The following PLCH1 variants were observed in gnomAD, a reference collection of about 807,000 sequenced individuals.
PLCH1 encodes the protein phospholipase C eta 1.
PLCH1 carries 60 observed loss-of-function variants against 126.7 expected under a neutral mutation model. That is an observed-to-expected ratio of 0.47 (90% CI 0.38 to 0.59). The LOEUF is 0.59. PLCH1 is among the 20% of genes least tolerant of loss of function. The pLI is 0.00. For missense variants in PLCH1, 1,723 were observed against 2,040.0 expected (o/e 0.84, Z 2.99); for synonymous variants, 719 against 734.9 (o/e 0.98, Z 0.35).
intron 2 of PLCH1, among the ~76,000 whole-genome samples, chr3:155,625,975 C>T (rs1737190151): frequency 6.6e-6 from 1 of 152,158 alleles, no homozygotes; most frequent in Non-Finnish European, 1.5e-5. Context: ...TTGGAACCAA[C>T]CCAAATGCCC....
chr3:155,479,370 C>A (rs955801204), downstream of PLCH1, among the ~76,000 whole-genome samples: 2 of 152,178 alleles, frequency 1.3e-5, no homozygotes, highest in African/African-American at 4.8e-5. Context: ...AGCCCCCAAC[C>A]AGACTCCCAG....
Position 155,482,158 on chromosome 3 carries a change from C to T in PLCH1, c.3868G>A (p.Ala1290Thr), listed in dbSNP as rs761926932. ...DDDLSSKAKT[A>T]ALESNLPGSP... ...CCAGGCAGGTTGCTTTCTAAGGCCG[C>T]TGTCTTGGCCTTACTAGAAAGGTCA... Residue 1290 changes from alanine to threonine, a missense_variant, in exon 23 of 23, where the codon GCG (alanine) becomes ACG (threonine). By Grantham distance (58) the Ala-to-Thr change is moderately conservative (BLOSUM62 0). Around this residue, in one of 2 missense-constraint regions of PLCH1, gnomAD observed 947 missense variants for 977.1 expected, o/e 0.97. Transcript: ENST00000460012. 6.2e-7 allele frequency: 1 copy of T among 1,614,178 alleles called. No homozygotes were observed. The highest frequency in any genetic ancestry group is 1.1e-5 in the South Asian group (1 of 91,078).
At chr3:155,603,552 T>C (rs954770020) in intron 2 of PLCH1, among the ~76,000 whole-genome samples, 1 of 152,210 alleles carries the variant, frequency 6.6e-6, no homozygotes, top group Non-Finnish European at 1.5e-5. Context: ...GTCTGGGCTC[T>C]GTCACTGGCT....
intron 2 of PLCH1, among the ~76,000 whole-genome samples, chr3:155,691,488 G>T (rs1333221152): frequency 1.3e-5 from 2 of 152,158 alleles, no homozygotes; most frequent in Admixed American, 6.5e-5. Context: ...AGAAGGCAAG[G>T]TTTCTTCTTC....
intron 11 of PLCH1, among the ~76,000 whole-genome samples, chr3:155,522,104 A>G (rs1329660249): frequency 6.6e-6 from 1 of 152,218 alleles, no homozygotes; most frequent in Non-Finnish European, 1.5e-5. Context: ...CTGGCATCAG[A>G]AGAAAAATGA....
intron 4 of PLCH1, among the ~76,000 whole-genome samples, chr3:155,590,344 C>T (rs560678211): frequency 1.3e-5 from 2 of 152,154 alleles, no homozygotes; most frequent in Admixed American, 6.5e-5. Context: ...TTTGGGAGGC[C>T]GAGGTGGGAG....
chr3:155,482,888 T>C lies in PLCH1; in HGVS notation c.3138A>G (p.Glu1046=). The change falls in exon 23 of 23, where the codon GAA becomes GAG. Residue 1046 remains glutamate (E), a synonymous_variant. Coordinates refer to ENST00000460012, the MANE Select transcript of PLCH1 (RefSeq NM_014996.4). ...VSTAHMSVTG[E]QLGMSSPRGG... ...CCCTAGGACTTGACATGCCCAGCTGTTCTCCTGTGACTGACATGTGGGCAG... is the reference window on the plus strand; with the variant it reads ...CCCTAGGACTTGACATGCCCAGCTGCTCTCCTGTGACTGACATGTGGGCAG... 6.2e-7 allele frequency: 1 copy of C among 1,614,202 alleles called. No individual in the cohort carries two copies. The highest frequency in any genetic ancestry group is 8.5e-7 in the Non-Finnish European group (1 of 1,180,036).
At chr3:155,706,979 C>T (rs1053442001) in intron 1 of PLCH1, among the ~76,000 whole-genome samples, 3 of 152,062 alleles carry the variant, frequency 2.0e-5, no homozygotes, top group Non-Finnish European at 4.4e-5. Context: ...AATCTAATGC[C>T]CCCCAATGTG....
chr3:155,516,702 T>C (rs936274623), intron 11 of PLCH1, among the ~76,000 whole-genome samples: 1 of 151,860 alleles, frequency 6.6e-6, no homozygotes, highest in African/African-American at 2.4e-5. Context: ...GCCAATGTGC[T>C]GGGGGTAGTT....
At chr3:155,564,819 T>C in intron 8 of PLCH1, 96 bp downstream of exon 8, 1 of 722,918 alleles carries the variant, frequency 1.4e-6, no homozygotes. Context: ...AGTGTGAGAG[T>C]GTGTTTTAGG....
At chr3:155,697,227 A>G (rs1274314372) in intron 2 of PLCH1, among the ~76,000 whole-genome samples, 1 of 152,212 alleles carries the variant, frequency 6.6e-6, no homozygotes, top group African/African-American at 2.4e-5. Context: ...TGCAAAAAGC[A>G]AACAGAATAA....
Position 155,480,873 on chromosome 3 carries a change from T to C in PLCH1, c.*95A>G. 3.7e-6 allele frequency: 4 copies of C among 1,088,310 alleles called. No individual in the cohort carries two copies. Among genetic ancestry groups the C allele is most frequent in the South Asian group, 1.6e-5 (1 of 63,636 alleles). 67.4% of individuals were successfully genotyped at this position (1,088,310 alleles called of 1,614,324 possible). On this transcript the variant is annotated 3_prime_UTR_variant, in exon 23 of 23. Coordinates refer to ENST00000460012, the MANE Select transcript of PLCH1 (RefSeq NM_014996.4). Reference sequence around the variant, plus strand: ...CCCAAATACAAGTTTAAAAATACATTTGAAAATCATTCCAAAGCCAAGGAA... The same window carrying C: ...CCCAAATACAAGTTTAAAAATACATCTGAAAATCATTCCAAAGCCAAGGAA...
At chr3:155,735,087 T>C (rs1271707040) in intron 1 of PLCH1, among the ~76,000 whole-genome samples, 1 of 152,068 alleles carries the variant, frequency 6.6e-6, no homozygotes, top group Non-Finnish European at 1.5e-5. Flanking sequence ...CTGGAGGACA[T>C]TATGGTAAAT....
chr3:155,674,891 G>A (rs1743941334), intron 2 of PLCH1, among the ~76,000 whole-genome samples: 1 of 152,152 alleles, frequency 6.6e-6, no homozygotes, highest in Non-Finnish European at 1.5e-5. Flanking sequence ...AGACGACCCT[G>A]ATAGTATGCT....
intron 10 of PLCH1, 93 bp from the exon 11 acceptor site, chr3:155,524,097 A>T: frequency 2.6e-6 from 2 of 761,274 alleles, no homozygotes; most frequent in Non-Finnish European, 4.6e-6. Context: ...GATGGATGAG[A>T]GGATAAACAA....
intron 14 of PLCH1, among the ~76,000 whole-genome samples, chr3:155,497,917 G>T (rs762310018): frequency 3.3e-5 from 5 of 152,140 alleles, no homozygotes; most frequent in Non-Finnish European, 5.9e-5. Flanking sequence ...GTTTCACCAT[G>T]TTGGCCAGGC....
In PLCH1 at chr3:155,732,497, T is replaced by A. The variant is rs560658203; in HGVS notation, c.-41+12343A>T. Reference sequence around the variant, plus strand: ...GTCAGGAGATCAAGACCATCCTGGCTAACACAGTGAAACCCAGTCTGGAAA... The same window carrying A: ...GTCAGGAGATCAAGACCATCCTGGCAAACACAGTGAAACCCAGTCTGGAAA... On this transcript the variant is annotated intron_variant, in intron 1 of 22. Transcript: ENST00000460012. 7.8e-4 allele frequency among the ~76,000 whole-genome samples: 116 copies of A among 148,396 alleles called. 1 individual carries two copies. Among genetic ancestry groups the A allele is most frequent in the African/African-American group, 2.8e-3 (112 of 40,148 alleles).
intron 2 of PLCH1, among the ~76,000 whole-genome samples, chr3:155,604,757 C>T (rs1325045403): frequency 6.6e-6 from 1 of 152,134 alleles, no homozygotes; most frequent in African/African-American, 2.4e-5. Flanking sequence ...CAGAGCCACT[C>T]AGAGAAAGGA....
At chr3:155,582,274 G>A (rs1215069713) in intron 6 of PLCH1, among the ~76,000 whole-genome samples, 1 of 150,610 alleles carries the variant, frequency 6.6e-6, no homozygotes, top group Non-Finnish European at 1.5e-5. Flanking sequence ...GTAGAGACTG[G>A]GTTTCGCCAT....
Sources: allele counts gnomAD v4.1 joint callset (sites outside exome capture counted in the v4.1 genomes callset), GRCh38; gene constraint gnomAD v4.1.1; regional missense constraint gnomAD v4.1.1; transcripts MANE v1.5; gene names NCBI Gene and HGNC (gene_info 2026-07-23, HGNC 2026-07-21).